ENOX2: variants seen among roughly 807,000 people sequenced by gnomAD.
The protein encoded by ENOX2 is APK1 antigen.
In ENOX2, 36 loss-of-function variants were observed where a neutral mutation model predicts 45.0. That is an observed-to-expected ratio of 0.80 (90% CI 0.61 to 1.06). ENOX2 has a LOEUF of 1.06. Ranked by LOEUF, ENOX2 falls within the 50% of genes least tolerant of loss-of-function variation. The pLI is 0.00. For synonymous variants in ENOX2, 174 were observed against 152.3 expected (o/e 1.14, Z -1.05); for missense variants, 423 against 462.5 (o/e 0.91, Z 0.78).
intron 3 of ENOX2, among the ~76,000 whole-genome samples, chrX:130,753,100 ACT>A (rs1275595406): frequency 9.6e-6 from 1 of 104,600 alleles, no homozygotes; most frequent in Admixed American, 1.0e-4. Context: ...TGCCAATTTT[ACT>A]CTCTCTCTTT....
chrX:130,874,296 C>T (rs2078653560), intron 2 of ENOX2, among the ~76,000 whole-genome samples: 1 of 112,233 alleles, frequency 8.9e-6, no homozygotes, highest in South Asian at 3.7e-4. Flanking sequence ...TTGACACCAT[C>T]TAGGGGATAG....
intron 13 of ENOX2, among the ~76,000 whole-genome samples, chrX:130,631,016 T>C (rs1238270583): frequency 9.1e-6 from 1 of 110,430 alleles, no homozygotes; most frequent in Non-Finnish European, 1.9e-5. Flanking sequence ...TCATTTGGTG[T>C]CAGAAGTGTT....
At chrX:130,684,487 A>G (rs977968150) in intron 5 of ENOX2, among the ~76,000 whole-genome samples, 2 of 111,958 alleles carry the variant, frequency 1.8e-5, no homozygotes, top group African/African-American at 6.5e-5. Flanking sequence ...AGCTTAGAAG[A>G]GATATAGACT....
At chrX:130,862,502 TATAC>T (rs1484874980) in intron 2 of ENOX2, among the ~76,000 whole-genome samples, 9 of 110,486 alleles carry the variant, frequency 8.1e-5, no homozygotes, top group African/African-American at 2.6e-4. Flanking sequence ...CCTATATATG[TATAC>T]ATACATACAT....
At chrX:130,783,757 T>C (rs2076927335) in intron 2 of ENOX2, 67 bp from the exon 3 acceptor site, 1 of 233,088 alleles carries the variant, frequency 4.3e-6, no homozygotes, top group Non-Finnish European at 8.0e-6. Flanking sequence ...CAGATTTTAT[T>C]ATATGAGCCA....
intron 3 of ENOX2, among the ~76,000 whole-genome samples, chrX:130,755,961 T>A (rs1462313313): frequency 1.8e-5 from 2 of 111,446 alleles, no homozygotes; most frequent in Admixed American, 9.5e-5. Flanking sequence ...TTTTACATCA[T>A]GGGGTCACAT....
chrX:130,755,832 T>C (rs1223257762), intron 3 of ENOX2, among the ~76,000 whole-genome samples: 1 of 110,778 alleles, frequency 9.0e-6, no homozygotes, highest in Non-Finnish European at 1.9e-5. Context: ...TTATTCATTC[T>C]TTCTATTTTT....
intron 5 of ENOX2, among the ~76,000 whole-genome samples, chrX:130,681,015 C>G (rs1410940145): frequency 8.9e-6 from 1 of 112,190 alleles, no homozygotes; most frequent in Non-Finnish European, 1.9e-5. Context: ...TAAAGGGATT[C>G]AGGGAACTTA....
At chrX:130,629,963 C>A (rs1454095921) in intron 13 of ENOX2, among the ~76,000 whole-genome samples, 1 of 112,235 alleles carries the variant, frequency 8.9e-6, no homozygotes, top group Non-Finnish European at 1.9e-5. Flanking sequence ...ATGGGCCAGG[C>A]ACTATGCTAA....
chrX:130,624,401 A>G lies in ENOX2; in HGVS notation c.*913T>C, dbSNP rs1265039981. The G allele has an allele frequency of 1.8e-5, 2 of 112,852 alleles. No homozygotes were observed. The highest frequency in any genetic ancestry group is 1.9e-4 in the Admixed American group (2 of 10,659). The allele number at this position is 112,852 out of a possible 1,213,427, so 9.3% of individuals were successfully genotyped here. On this transcript the variant is annotated 3_prime_UTR_variant, in exon 15 of 15. Coordinates refer to ENST00000394363, the MANE Select transcript of ENOX2 (RefSeq NM_006375.4). Reference sequence around the variant, plus strand: ...CAGTACTCGGTTTGCAATTCAACACACTGACAACAGAAGCAAAGGGACCAA... The same window carrying G: ...CAGTACTCGGTTTGCAATTCAACACGCTGACAACAGAAGCAAAGGGACCAA...
intron 3 of ENOX2, among the ~76,000 whole-genome samples, chrX:130,763,228 G>A (rs1367361923): frequency 1.8e-5 from 2 of 110,334 alleles, no homozygotes; most frequent in African/African-American, 3.3e-5. Flanking sequence ...AGGGGAGGGG[G>A]GTGTTATTGC....
At chrX:130,870,798 C>T (rs1352838699) in intron 2 of ENOX2, among the ~76,000 whole-genome samples, 1 of 109,876 alleles carries the variant, frequency 9.1e-6, no homozygotes, top group African/African-American at 3.3e-5. Flanking sequence ...TCTATGTCAA[C>T]CTTTTTCTGT....
chrX:130,719,543 T>G (rs1235682102), intron 3 of ENOX2, among the ~76,000 whole-genome samples: 1 of 109,030 alleles, frequency 9.2e-6, no homozygotes, highest in Non-Finnish European at 1.9e-5. Flanking sequence ...GCTCTTGCCC[T>G]CCGCCTAACA....
intron 3 of ENOX2, among the ~76,000 whole-genome samples, chrX:130,772,118 G>A (rs762295977): frequency 8.9e-6 from 1 of 112,340 alleles, no homozygotes; most frequent in South Asian, 3.7e-4. Context: ...CTGTTTGACA[G>A]GAGGGCAAAA....
chrX:130,637,558 G>A, intron 10 of ENOX2, 148 bp from the exon 11 acceptor site: 1 of 426,960 alleles, frequency 2.3e-6, no homozygotes, highest in Non-Finnish European at 3.9e-6. Flanking sequence ...AAAGCACACA[G>A]GCCTGTTTTT....
intron 11 of ENOX2, 102 bp downstream of exon 11, chrX:130,637,127 G>T: frequency 1.5e-6 from 1 of 660,230 alleles, no homozygotes; most frequent in South Asian, 2.4e-5. Flanking sequence ...ACATCAAGAA[G>T]AATAATAGGT....
At chrX:130,811,736 T>C (rs1373493668) in intron 2 of ENOX2, among the ~76,000 whole-genome samples, 1 of 112,658 alleles carries the variant, frequency 8.9e-6, no homozygotes, top group Non-Finnish European at 1.9e-5. Flanking sequence ...ATTTATAATA[T>C]GTCTGACAAA....
At chrX:130,777,993 T>C (rs760931889) in intron 3 of ENOX2, among the ~76,000 whole-genome samples, 4 of 112,130 alleles carry the variant, frequency 3.6e-5, no homozygotes, top group Non-Finnish European at 5.6e-5. Flanking sequence ...TTTGGCAAGA[T>C]AATAATTCAG....
At chrX:130,752,311 CTCTA>C (rs893569348) in intron 3 of ENOX2, among the ~76,000 whole-genome samples, 5 of 110,103 alleles carry the variant, frequency 4.5e-5, no homozygotes, top group African/African-American at 1.6e-4. Flanking sequence ...TTAGTTGGCT[CTCTA>C]TCTCTCTACT....
Sources: gnomAD v4.1 joint callset for allele counts (sites outside exome capture counted in the v4.1 genomes callset) on GRCh38, gnomAD v4.1.1 for gene constraint, MANE v1.5 for transcripts, NCBI Gene and HGNC (gene_info 2026-07-23, HGNC 2026-07-21) for gene names.